FGD3: variants seen among roughly 807,000 people sequenced by gnomAD.
The protein encoded by FGD3 is FYVE, RhoGEF and PH domain-containing protein 3.
A neutral mutation model predicts 71.8 loss-of-function variants in FGD3; 45 were observed. That is an observed-to-expected ratio of 0.63 (90% CI 0.49 to 0.80). The LOEUF is 0.80. Ranked by LOEUF, FGD3 falls within the 30% of genes least tolerant of loss-of-function variation. The pLI is 0.00. For synonymous variants in FGD3, 378 were observed against 392.8 expected (o/e 0.96, Z 0.44); for missense variants, 844 against 951.5 (o/e 0.89, Z 1.49).
chr9:92,976,402 T>A lies in FGD3; in HGVS notation c.146T>A (p.Leu49Gln), dbSNP rs972449806. 4.3e-6 allele frequency: 7 copies of A among 1,611,238 alleles called. No individual in the cohort carries two copies. The African/African-American group carries it at 9.3e-5, about 22-fold the overall frequency. The change falls in exon 3 of 18, where the codon CTG (leucine) becomes CAG (glutamine). Residue 49 changes from leucine (L) to glutamine (Q), a missense_variant. Physicochemically the swap from Leu to Gln is moderately radical, Grantham distance 113. Transcript: ENST00000375482. ...PRAHCGDPVS[L>Q]AAAGDGSPDI... ...GCCCACTGTGGGGACCCTGTCAGCC[T>A]GGCTGCAGCAGGGGACGGCTCTCCA...
intron 3 of FGD3, among the ~76,000 whole-genome samples, chr9:92,987,784 C>G (rs559872576): frequency 2.6e-5 from 4 of 152,348 alleles, no homozygotes; most frequent in African/African-American, 9.6e-5. Flanking sequence ...AGCATGCTCA[C>G]TTGAGCCATT....
intron 13 of FGD3, 132 bp downstream of exon 13, chr9:93,020,556 C>A (rs757758059): frequency 2.9e-6 from 2 of 681,178 alleles, no homozygotes; most frequent in Non-Finnish European, 5.2e-6. Flanking sequence ...ACCAGGACAG[C>A]GGGCACTCCC....
chr9:93,033,161 G>T, intron 16 of FGD3: 1 of 471,674 alleles, frequency 2.1e-6, no homozygotes, highest in Non-Finnish European at 4.0e-6. Flanking sequence ...GGAGGGCATG[G>T]ATTGAAGCTG....
intron 15 of FGD3, among the ~76,000 whole-genome samples, chr9:93,031,081 ATGGG>A (rs1454420318): frequency 6.6e-6 from 1 of 151,724 alleles, no homozygotes; most frequent in Admixed American, 6.6e-5. Context: ...GGATGGATGG[ATGGG>A]TGGATGAAGG....
At position 93,018,002 on chromosome 9, in the gene FGD3, TC is replaced by T. The variant is rs1461433080; in HGVS notation, c.1276-131del. On this transcript the variant is annotated intron_variant, in intron 10 of 17. Coordinates refer to ENST00000375482, the MANE Select transcript of FGD3 (RefSeq NM_001083536.2). The stretch of plus-strand genomic sequence containing the variant: ...GCTGACCTAAGCCTCTGCACCCCTC[TC>T]CCTGCAGAACTGTGGGGCTGCAGGC... 7.5e-6 allele frequency: 6 copies of T among 802,532 alleles called. No homozygotes were observed. In the East Asian group the frequency reaches 1.3e-4, roughly 17 times the overall value. The allele number at this position is 802,532 out of a possible 1,614,324, so 49.7% of individuals were successfully genotyped here. A position where few individuals can be genotyped will look rare whatever the true frequency, so the allele number is the denominator to read the frequency against.
chr9:92,992,026 G>C (rs77635637), intron 3 of FGD3, among the ~76,000 whole-genome samples: 3,761 of 152,156 alleles, frequency 0.025, 74 homozygotes, highest in Middle Eastern at 0.044. Context: ...TTAACTTTCA[G>C]TTTATGTGTG....
intron 1 of FGD3, among the ~76,000 whole-genome samples, chr9:92,972,107 A>T (rs929600957): frequency 6.6e-6 from 1 of 151,960 alleles, no homozygotes; most frequent in South Asian, 2.1e-4. Flanking sequence ...TTTGTTCAGC[A>T]TAATTATTTC....
chr9:93,018,765 A>G lies in FGD3; in HGVS notation c.1355+550A>G, dbSNP rs545585973. On this transcript the variant is annotated intron_variant, in intron 11 of 17. Transcript: ENST00000375482. Reference sequence around the variant, plus strand: ...TGGGACTCGGGGCGGTTTTAGTACCAAGGGAAGTTGATGAAAATTAAGCCT... The same window carrying G: ...TGGGACTCGGGGCGGTTTTAGTACCGAGGGAAGTTGATGAAAATTAAGCCT... Among the ~76,000 whole-genome samples the G allele has an allele frequency of 7.6e-4, 116 of 152,322 alleles. 2 individuals are homozygous for G. The Middle Eastern group carries it at 0.014, about 18-fold the overall frequency.
At position 93,035,485 on chromosome 9, in the gene FGD3, C is replaced by G. The variant is rs1260734125; in HGVS notation, c.2074C>G (p.Gln692Glu). The G allele has an allele frequency of 6.2e-7, 1 of 1,613,464 alleles. No individual in the cohort carries two copies. ...YLSASSAELQ[Q>E]QWLETLSTAA... ...GAGCGCCTCCTCCGCAGAGCTGCAG[C>G]AGCAGTGGCTGGAAACCCTAAGCAC... is the stretch of plus-strand genomic sequence containing the variant. The change falls in exon 18 of 18, where the codon CAG becomes GAG. Residue 692 changes from glutamine (Q) to glutamate (E), a missense_variant. Coordinates refer to ENST00000375482, the MANE Select transcript of FGD3 (RefSeq NM_001083536.2).
At chr9:93,028,236 A>ACACC (rs1280857486) in intron 14 of FGD3, among the ~76,000 whole-genome samples, 10 of 141,860 alleles carry the variant, frequency 7.0e-5, no homozygotes, top group African/African-American at 1.8e-4. Context: ...ACACACACAC[A>ACACC]CCCCAATTTT....
chr9:92,981,234 G>C (rs550366987), intron 3 of FGD3, among the ~76,000 whole-genome samples: 17 of 151,848 alleles, frequency 1.1e-4, no homozygotes, highest in African/African-American at 3.9e-4. Flanking sequence ...CAGGCGTGGT[G>C]GTGGGCACCT....
intron 1 of FGD3, among the ~76,000 whole-genome samples, chr9:92,962,284 G>A (rs1301887086): frequency 2.4e-4 from 36 of 152,206 alleles, no homozygotes; most frequent in East Asian, 1.9e-4. Context: ...CTCTTAGGAC[G>A]ACAGTTGTGT....
intron 3 of FGD3, among the ~76,000 whole-genome samples, chr9:92,986,943 C>A (rs1204926843): frequency 3.3e-5 from 5 of 152,210 alleles, no homozygotes; most frequent in Non-Finnish European, 5.9e-5. Flanking sequence ...CACACAAATT[C>A]AGCAAGAGCC....
At position 92,955,255 on chromosome 9, in the gene FGD3, C is replaced by T. The variant is rs577571734; in HGVS notation, c.-218+7526C>T. Among the ~76,000 whole-genome samples, 5 of 152,246 alleles carry T rather than the reference C, an allele frequency of 3.3e-5. No individual in the cohort carries two copies. In the East Asian group the frequency reaches 9.7e-4, roughly 29 times the overall value. On this transcript the variant is annotated intron_variant, in intron 1 of 17. Coordinates refer to ENST00000375482, the MANE Select transcript of FGD3 (RefSeq NM_001083536.2). The stretch of plus-strand genomic sequence containing the variant: ...GCTTCTCTTAAGAGGCAAGGGATGG[C>T]CAGGCACGGTGGCTCACACCTGTAA...
chr9:92,956,823 A>G (rs1859058801), intron 1 of FGD3, among the ~76,000 whole-genome samples: 1 of 149,450 alleles, frequency 6.7e-6, no homozygotes, highest in South Asian at 2.1e-4. Context: ...ATCCATCCAT[A>G]TAATTGCTTT....
At chr9:93,025,876 C>T (rs2118815174) in intron 14 of FGD3, among the ~76,000 whole-genome samples, 1 of 152,358 alleles carries the variant, frequency 6.6e-6, no homozygotes, top group South Asian at 2.1e-4. Context: ...TCAGGCACTG[C>T]CCCTCCTGGG....
At chr9:92,953,111 C>T (rs1858986161) in intron 1 of FGD3, among the ~76,000 whole-genome samples, 1 of 152,194 alleles carries the variant, frequency 6.6e-6, no homozygotes, top group East Asian at 1.9e-4. Flanking sequence ...CATAACAATG[C>T]TGGAATTATC....
At chr9:93,015,395 G>T (rs1222277652) in intron 9 of FGD3, among the ~76,000 whole-genome samples, 3 of 152,140 alleles carry the variant, frequency 2.0e-5, no homozygotes, top group Non-Finnish European at 4.4e-5. Context: ...GACGGAGTTT[G>T]CAGTGAGCCA....
rs1862409348 is a variant in FGD3 at position 93,032,854 on chromosome 9, TG to T, written c.1768del (p.Ala590ProfsTer68). ...VCRDCFLTQP[V>X]APESTEKTPT... is the part of the protein sequence containing the mutation. Reference sequence around the variant, plus strand: ...AGAGATTGTTTCCTGACACAGCCAGTGGCCCCTGAGAGCACAGAGGTGGGTG... The same window carrying T: ...AGAGATTGTTTCCTGACACAGCCAGTGCCCCTGAGAGCACAGAGGTGGGTG... On this transcript the variant is annotated frameshift_variant, in exon 16 of 18. Coordinates refer to ENST00000375482, the MANE Select transcript of FGD3 (RefSeq NM_001083536.2). LOFTEE classifies it high-confidence loss of function. 1.2e-6 allele frequency: 2 copies of T among 1,614,038 alleles called. No individual in the cohort carries two copies. The highest frequency in any genetic ancestry group is 1.7e-6 in the Non-Finnish European group (2 of 1,180,030).
Sources: gnomAD v4.1 joint callset for allele counts (sites outside exome capture counted in the v4.1 genomes callset) on GRCh38, gnomAD v4.1.1 for gene constraint, MANE v1.5 for transcripts, NCBI Gene and HGNC (gene_info 2026-07-23, HGNC 2026-07-21) for gene names.